GLI3: variants seen among roughly 807,000 people sequenced by gnomAD.
GLI3 encodes the protein GLI family zinc finger 3, also known as transcription activator GLI3.
In GLI3, 20 loss-of-function variants were observed where a neutral mutation model predicts 100.8. The ratio of observed to expected loss-of-function variants is 0.20; its 90% CI spans 0.14 to 0.29. GLI3 has a LOEUF of 0.29. GLI3 is among the 10% of genes least tolerant of loss of function. The probability of loss-of-function intolerance (pLI) is 1.00; values close to 1 mark genes in which losing one functional copy is unlikely to be tolerated. For synonymous variants in GLI3, 938 were observed against 860.5 expected (o/e 1.09, Z -1.58); for missense variants, 2,040 against 2,128.5 (o/e 0.96, Z 0.82).
chr7:41,978,471 G>A, intron 11 of GLI3, 128 bp downstream of exon 11: 1 of 889,216 alleles, frequency 1.1e-6, no homozygotes, highest in South Asian at 1.4e-5. Flanking sequence ...TTTATCACCA[G>A]ACAATACTCT....
chr7:42,055,636 C>A (rs998192138), intron 4 of GLI3, among the ~76,000 whole-genome samples: 1 of 152,134 alleles, frequency 6.6e-6, no homozygotes, highest in Non-Finnish European at 1.5e-5. Context: ...GTCCCCTTAA[C>A]CCTACCCACA....
chr7:42,098,233 C>T (rs1186925978), intron 3 of GLI3, among the ~76,000 whole-genome samples: 1 of 152,094 alleles, frequency 6.6e-6, no homozygotes, highest in Non-Finnish European at 1.5e-5. Flanking sequence ...ACACGCTGAA[C>T]AAATTCTCAT....
intron 2 of GLI3, among the ~76,000 whole-genome samples, chr7:42,170,395 ATCTT>A (rs1207916192): frequency 8.0e-6 from 1 of 124,894 alleles, no homozygotes; most frequent in Non-Finnish European, 1.7e-5. Context: ...GAACTTACTG[ATCTT>A]TTTTTTTTTT....
intron 7 of GLI3, among the ~76,000 whole-genome samples, chr7:42,033,485 T>G (rs1263055964): frequency 6.6e-6 from 1 of 152,188 alleles, no homozygotes; most frequent in Non-Finnish European, 1.5e-5. Context: ...CCACCTCTCC[T>G]AATTCTTTTG....
intron 3 of GLI3, among the ~76,000 whole-genome samples, chr7:42,139,534 C>G (rs1050898365): frequency 6.6e-6 from 1 of 152,050 alleles, no homozygotes; most frequent in Non-Finnish European, 1.5e-5. Flanking sequence ...ACAAAATTAG[C>G]GTGGCATGGT....
chr7:42,146,058 T>C (rs570335498), intron 3 of GLI3, among the ~76,000 whole-genome samples: 1 of 152,284 alleles, frequency 6.6e-6, no homozygotes, highest in African/African-American at 2.4e-5. Flanking sequence ...ATATTATCTA[T>C]ATAATAATGT....
intron 10 of GLI3, among the ~76,000 whole-genome samples, chr7:41,993,801 C>A (rs1788050975): frequency 6.6e-6 from 1 of 152,170 alleles, no homozygotes. Context: ...TCAGAAGCCA[C>A]AGGAAACGGA....
In GLI3 at chr7:42,069,368, T is replaced by C. The variant is rs922006399; in HGVS notation, c.473+7384A>G. Among the ~76,000 whole-genome samples, 6 of 152,342 alleles carry C rather than the reference T, an allele frequency of 3.9e-5. 1 individual carries two copies. The South Asian group carries it at 1.2e-3, about 32-fold the overall frequency. On this transcript the variant is annotated intron_variant, in intron 4 of 14. Transcript: ENST00000395925. ...GTGTGTATCGGCGGATCTGGATTTA[T>C]GTGCCCGCTCATCAGAATTTTAAAA... is the stretch of plus-strand genomic sequence containing the variant.
At position 41,964,539 on chromosome 7, in the gene GLI3, C is replaced by A. The variant is rs760962930; in HGVS notation, c.4534G>T (p.Asp1512Tyr). 1 of 1,613,836 alleles carries A rather than the reference C, an allele frequency of 6.2e-7. No homozygotes were observed. Among genetic ancestry groups the A allele is most frequent in the Non-Finnish European group, 8.5e-7 (1 of 1,179,716 alleles). Residue 1512 changes from aspartate to tyrosine, a missense_variant, in exon 15 of 15, where the codon GAT (aspartate) becomes TAT (tyrosine). Coordinates refer to ENST00000395925, the MANE Select transcript of GLI3 (RefSeq NM_000168.6). ...GACATCAGGCTGGAGTGGTCCCCATCGTCTATGATGGCATCGAAGTCAATC... is the reference window on the plus strand; with the variant it reads ...GACATCAGGCTGGAGTGGTCCCCATAGTCTATGATGGCATCGAAGTCAATC... ...VQIDFDAIIDDGDHSSLMSGA... is the reference protein window; with the variant it reads ...VQIDFDAIIDYGDHSSLMSGA...
At chr7:42,012,323 A>G (rs1266285382) in intron 10 of GLI3, among the ~76,000 whole-genome samples, 1 of 152,198 alleles carries the variant, frequency 6.6e-6, no homozygotes, top group African/African-American at 2.4e-5. Context: ...CTTATCAGCC[A>G]AACTACTGTA....
intron 3 of GLI3, among the ~76,000 whole-genome samples, chr7:42,106,845 C>T (rs1785587921): frequency 6.6e-6 from 1 of 152,118 alleles, no homozygotes; most frequent in Non-Finnish European, 1.5e-5. Flanking sequence ...CCCTGCCATG[C>T]CCATATTTGG....
intron 4 of GLI3, among the ~76,000 whole-genome samples, chr7:42,073,646 T>C (rs1183369553): frequency 2.0e-5 from 3 of 152,234 alleles, no homozygotes; most frequent in Admixed American, 2.0e-4. Flanking sequence ...AGCATAATTA[T>C]AGAAGCGCCT....
intron 1 of GLI3, among the ~76,000 whole-genome samples, chr7:42,226,815 A>G (rs1181216708): frequency 6.6e-6 from 1 of 152,188 alleles, no homozygotes; most frequent in Non-Finnish European, 1.5e-5. Flanking sequence ...CCCACACCTC[A>G]TCAAACTGTG....
intron 7 of GLI3, among the ~76,000 whole-genome samples, chr7:42,031,338 A>T (rs1789291980): frequency 6.6e-6 from 1 of 152,270 alleles, no homozygotes; most frequent in Non-Finnish European, 1.5e-5. Flanking sequence ...TATTTAGTCA[A>T]TAAGATCAGT....
intron 5 of GLI3, 68 bp downstream of exon 5, chr7:42,048,423 C>T: frequency 9.6e-7 from 1 of 1,043,942 alleles, no homozygotes; most frequent in Admixed American, 1.7e-5. Context: ...CTACTTTATA[C>T]ACGTCCCGAG....
At chr7:42,211,537 A>G (rs367666178) in intron 2 of GLI3, among the ~76,000 whole-genome samples, 2 of 152,292 alleles carry the variant, frequency 1.3e-5, no homozygotes, top group Middle Eastern at 3.4e-3. Context: ...TTAGCTTCAT[A>G]TTTTACCAGA....
At chr7:42,263,998 G>T (rs995216775) in exon 1 of GLI3, among the ~76,000 whole-genome samples, 1 of 152,098 alleles carries the variant, frequency 6.6e-6, no homozygotes, top group East Asian at 1.9e-4. Flanking sequence ...ACTTACTCTG[G>T]CAGCTCAGCA....
intron 3 of GLI3, among the ~76,000 whole-genome samples, chr7:42,121,479 G>A (rs987438894): frequency 9.9e-5 from 15 of 152,164 alleles, no homozygotes; most frequent in Middle Eastern, 3.2e-3. Flanking sequence ...TAACAGAAAC[G>A]AAATACCAAT....
At chr7:42,111,493 A>C (rs750831372) in intron 3 of GLI3, among the ~76,000 whole-genome samples, 2 of 152,174 alleles carry the variant, frequency 1.3e-5, no homozygotes, top group African/African-American at 2.4e-5. Flanking sequence ...GGAGAACAGA[A>C]AGTCTGAAGG....
Sources: allele counts gnomAD v4.1 joint callset (sites outside exome capture counted in the v4.1 genomes callset), GRCh38; gene constraint gnomAD v4.1.1; transcripts MANE v1.5; gene names NCBI Gene and HGNC (gene_info 2026-07-23, HGNC 2026-07-21).